Variants in RBKS observed in about 807,000 individuals in gnomAD.
The protein encoded by RBKS is ribokinase.
RBKS carries 33 observed loss-of-function variants against 33.9 expected under a neutral mutation model. The observed-to-expected ratio is 0.97, with a 90% CI of 0.74 to 1.30. The LOEUF is 1.30. RBKS is among the 50% of genes most tolerant of loss of function. The pLI is 0.00. For missense variants in RBKS, 361 were observed against 392.6 expected, an observed-to-expected ratio of 0.92 and a Z score of 0.68; for synonymous variants, 125 against 143.0, an observed-to-expected ratio of 0.87 and a Z score of 0.90.
intron 1 of RBKS, among the ~76,000 whole-genome samples, chr2:27,884,371 C>G (rs1224069922): frequency 1.3e-5 from 2 of 152,140 alleles, no homozygotes; most frequent in Non-Finnish European, 2.9e-5. Context: ...CCTCAGCCCC[C>G]CAGTAGCTGG....
chr2:27,837,785 T>G lies in RBKS; in HGVS notation c.515-5008A>C, dbSNP rs1678554611. On this transcript the variant is annotated intron_variant, in intron 5 of 7. Transcript: ENST00000302188. The surrounding 1 kb of genome is among the most constrained non-coding windows in gnomAD (Gnocchi z 4.0). ...GTGGGGGCTAAATATTGAGTACGCA[T>G]GGACAGAAAGATGGGAACAACAGAC... is the stretch of plus-strand genomic sequence containing the variant. 6.6e-6 allele frequency among the ~76,000 whole-genome samples: 1 copy of G among 152,110 alleles called. No individual in the cohort carries two copies. The highest frequency in any genetic ancestry group is 6.5e-5 in the Admixed American group (1 of 15,272).
rs752315852 is a variant in RBKS, at chr2:27,808,675, T to TA, written c.795+18891dup. On this transcript the variant is annotated intron_variant, in intron 7 of 7. Transcript: ENST00000302188. ...TCTCAGGGTCCATTCTCAGCTTTGT[T>TA]AGTTTGTGATGGGCTCTGGGCTGGC... Among the ~76,000 whole-genome samples, 105 of 152,350 alleles carry TA rather than the reference T, an allele frequency of 6.9e-4. 1 individual carries two copies. The highest frequency in any genetic ancestry group is 1.2e-3 in the Non-Finnish European group (80 of 68,036).
At chr2:27,849,771 C>A (rs2148215130) in intron 2 of RBKS, among the ~76,000 whole-genome samples, 1 of 152,096 alleles carries the variant, frequency 6.6e-6, no homozygotes, top group East Asian at 1.9e-4. Context: ...GAGTGTGTAT[C>A]CTAATCATCT....
chr2:27,861,858 T>C (rs1265604632), intron 1 of RBKS, among the ~76,000 whole-genome samples: 2 of 152,064 alleles, frequency 1.3e-5, no homozygotes, highest in African/African-American at 4.8e-5. Flanking sequence ...TTTCATTTTA[T>C]TGTCCAAGCT....
intron 1 of RBKS, among the ~76,000 whole-genome samples, chr2:27,872,784 C>T (rs1478608008): frequency 6.6e-6 from 1 of 152,104 alleles, no homozygotes; most frequent in African/African-American, 2.4e-5. Context: ...GTCAAGCAGA[C>T]AGAAAGTCAG....
intron 7 of RBKS, among the ~76,000 whole-genome samples, chr2:27,786,070 G>T (rs1677392695): frequency 6.6e-6 from 1 of 152,220 alleles, no homozygotes; most frequent in Admixed American, 6.5e-5. Flanking sequence ...TGAGGTTTCA[G>T]CATCCATGAT....
At position 27,858,480 on chromosome 2, in the gene RBKS, G is replaced by A; in HGVS notation, c.181C>T (p.Gln61Ter). Residue 61 changes from glutamine to a stop codon, truncating the protein, a stop_gained, in exon 2 of 8, where the codon CAA becomes TAA. Coordinates refer to ENST00000302188, the MANE Select transcript of RBKS (RefSeq NM_022128.3). LOFTEE classifies it high-confidence loss of function. ...FGGKGANQCV[Q>*]AARLGAMTSM... ...GTCATTGCTCCAAGCCGAGCAGCTT[G>A]GACACACTGGTTGGCACCTTTCCCT... 1 of 1,614,052 alleles carries A rather than the reference G, an allele frequency of 6.2e-7. No homozygotes were observed. Among genetic ancestry groups the A allele is most frequent in the Admixed American group, 1.7e-5 (1 of 60,008 alleles).
rs755869933 is a variant in RBKS at position 27,858,478 on chromosome 2, T to G, written c.183A>C (p.Gln61His). 2.5e-6 allele frequency: 4 copies of G among 1,614,146 alleles called. No individual in the cohort carries two copies. Among genetic ancestry groups the G allele is most frequent in the Non-Finnish European group, 2.5e-6 (3 of 1,179,992 alleles). ...FGGKGANQCVQAARLGAMTSM... is the reference protein window; with the variant it reads ...FGGKGANQCVHAARLGAMTSM... ...ACGTCATTGCTCCAAGCCGAGCAGCTTGGACACACTGGTTGGCACCTTTCC... is the reference window on the plus strand; with the variant it reads ...ACGTCATTGCTCCAAGCCGAGCAGCGTGGACACACTGGTTGGCACCTTTCC... The change falls in exon 2 of 8, where the codon CAA becomes CAC. Residue 61 changes from glutamine to histidine, a missense_variant. By Grantham distance (24) the Gln-to-His change is conservative. Coordinates refer to ENST00000302188, the MANE Select transcript of RBKS (RefSeq NM_022128.3).
intron 7 of RBKS, 111 bp downstream of exon 7, chr2:27,827,456 T>A: frequency 1.1e-6 from 1 of 905,242 alleles, no homozygotes; most frequent in Non-Finnish European, 1.6e-6. Flanking sequence ...TTTTACCATA[T>A]CACTTACTAG....
intron 7 of RBKS, among the ~76,000 whole-genome samples, chr2:27,794,693 G>A (rs1348991479): frequency 1.3e-5 from 2 of 149,120 alleles, no homozygotes; most frequent in Admixed American, 6.7e-5. Context: ...GCACGATCTC[G>A]GCTCACTGCA....
chr2:27,849,345 C>G (rs530044871), intron 2 of RBKS, among the ~76,000 whole-genome samples: 2 of 151,930 alleles, frequency 1.3e-5, no homozygotes, highest in Admixed American at 6.5e-5. Context: ...GATGGATCAC[C>G]TGAGGTCAGG....
chr2:27,854,724 C>T (rs1211519477), intron 2 of RBKS, among the ~76,000 whole-genome samples: 4 of 151,578 alleles, frequency 2.6e-5, no homozygotes, highest in African/African-American at 9.7e-5. Context: ...AGCCCTGCAG[C>T]ACTGGTTCAA....
intron 7 of RBKS, among the ~76,000 whole-genome samples, chr2:27,811,483 G>A (rs904907162): frequency 6.6e-6 from 1 of 152,080 alleles, no homozygotes; most frequent in African/African-American, 2.4e-5. Flanking sequence ...CAGTTCTAGA[G>A]GCTGCTTTTG....
At position 27,810,174 on chromosome 2, in the gene RBKS, C is replaced by A; in HGVS notation, c.795+17393G>T. ...CACCTGGTATATTTGTCTACACAAC[C>A]CAAATTCGTCATATACTGGCTGATT... is the stretch of plus-strand genomic sequence containing the variant. On this transcript the variant is annotated intron_variant, in intron 7 of 7. Coordinates refer to ENST00000302188, the MANE Select transcript of RBKS (RefSeq NM_022128.3). This position sits in a 1 kb window ranked among gnomAD's most constrained non-coding sequence, Gnocchi z 4.4. 8.5e-7 allele frequency: 1 copy of A among 1,171,630 alleles called. No individual in the cohort carries two copies. The highest frequency in any genetic ancestry group is 1.1e-6 in the Non-Finnish European group (1 of 902,784). 72.6% of individuals were successfully genotyped at this position (1,171,630 alleles called of 1,614,324 possible).
chr2:27,837,229 G>A lies in RBKS; in HGVS notation c.515-4452C>T, dbSNP rs1329225780. 6.6e-6 allele frequency among the ~76,000 whole-genome samples: 1 copy of A among 151,978 alleles called. No homozygotes were observed. Among genetic ancestry groups the A allele is most frequent in the Non-Finnish European group, 1.5e-5 (1 of 68,020 alleles). Reference sequence around the variant, plus strand: ...GTGGAGCTTGCAGTGAGCCGAGATCGTGCCACTGCACTCCAGCCTGGGCGA... The same window carrying A: ...GTGGAGCTTGCAGTGAGCCGAGATCATGCCACTGCACTCCAGCCTGGGCGA... On this transcript the variant is annotated intron_variant, in intron 5 of 7. Transcript: ENST00000302188. The surrounding 1 kb of genome is among the most constrained non-coding windows in gnomAD (Gnocchi z 4.0).
chr2:27,861,610 G>A (rs914417884), intron 1 of RBKS: 14 of 466,032 alleles, frequency 3.0e-5, no homozygotes, highest in South Asian at 9.3e-5. Context: ...AGTAATACAC[G>A]AGTGAAGAAA....
intron 1 of RBKS, among the ~76,000 whole-genome samples, chr2:27,864,628 C>T (rs975916670): frequency 6.6e-6 from 1 of 152,096 alleles, no homozygotes; most frequent in African/African-American, 2.4e-5. Context: ...ATAGGAGACA[C>T]TCCCTTCTTA....
intron 5 of RBKS, among the ~76,000 whole-genome samples, chr2:27,838,640 TCCA>T (rs1467984041): frequency 6.6e-6 from 1 of 152,162 alleles, no homozygotes; most frequent in East Asian, 1.9e-4. Context: ...ATGAGCATAC[TCCA>T]CCATGATGAA....
chr2:27,883,999 C>T (rs77162076), intron 1 of RBKS, among the ~76,000 whole-genome samples: 2,871 of 152,264 alleles, frequency 0.019, 48 homozygotes, highest in Non-Finnish European at 0.032. Flanking sequence ...AACTGATAAG[C>T]AACTTTTCAG....
Sources: allele counts gnomAD v4.1 joint callset (sites outside exome capture counted in the v4.1 genomes callset), GRCh38; gene constraint gnomAD v4.1.1; non-coding constraint Gnocchi (gnomAD v3.1); transcripts MANE v1.5; gene names NCBI Gene and HGNC (gene_info 2026-07-23, HGNC 2026-07-21).